MTRR: variants seen among roughly 807,000 people sequenced by gnomAD.
The protein encoded by MTRR is methionine synthase reductase.
A neutral mutation model predicts 79.2 loss-of-function variants in MTRR; 63 were observed. That is an observed-to-expected ratio of 0.80 (90% CI 0.65 to 0.98). MTRR has a LOEUF of 0.98. Among genes scored for constraint, MTRR ranks in the 50% least tolerant of loss-of-function variants. The pLI is 0.00. For synonymous variants in MTRR, 355 were observed against 313.3 expected (o/e 1.13, Z -1.41); for missense variants, 895 against 839.6 (o/e 1.07, Z -0.82).
At chr5:7,887,586 TCTTC>T (rs1002821199) in intron 8 of MTRR, among the ~76,000 whole-genome samples, 59 of 143,654 alleles carry the variant, frequency 4.1e-4, no homozygotes, top group African/African-American at 1.4e-3. Context: ...ATATATTCCA[TCTTC>T]CTTTCCTGGT....
intron 5 of MTRR, among the ~76,000 whole-genome samples, chr5:7,881,712 T>G (rs1266151911): frequency 2.0e-5 from 3 of 152,186 alleles, no homozygotes; most frequent in Non-Finnish European, 2.9e-5. Flanking sequence ...TATTTTAGTT[T>G]TACTTAGTTC....
Position 7,897,254 on chromosome 5 carries a change from C to A in MTRR, c.1952+7C>A. Reference sequence around the variant, plus strand: ...GCCATATTTATGTGTGTGGGTGAGTCATTATCGTGCCTAAGTCGGGTAGGA... The same window carrying A: ...GCCATATTTATGTGTGTGGGTGAGTAATTATCGTGCCTAAGTCGGGTAGGA... On this transcript the variant is annotated splice_region_variant and intron_variant, in intron 14 of 14. Coordinates refer to ENST00000440940, the MANE Select transcript of MTRR (RefSeq NM_002454.3). 1.2e-6 allele frequency: 2 copies of A among 1,612,854 alleles called. No homozygotes were observed. Among genetic ancestry groups the A allele is most frequent in the South Asian group, 2.2e-5 (2 of 90,994 alleles).
intron 8 of MTRR, among the ~76,000 whole-genome samples, chr5:7,887,825 T>C (rs1271240628): frequency 3.6e-5 from 1 of 28,132 alleles, no homozygotes; most frequent in Non-Finnish European, 6.1e-5. Flanking sequence ...TATATATATA[T>C]ATATATGGGT....
upstream of MTRR, chr5:7,867,864 G>A: frequency 6.2e-7 from 1 of 1,614,186 alleles, no homozygotes; most frequent in Non-Finnish European, 8.5e-7. Flanking sequence ...CCGAGTGGAT[G>A]AAGGTCATTT....
chr5:7,889,387 G>A, intron 9 of MTRR, 112 bp downstream of exon 9: 1 of 1,121,356 alleles, frequency 8.9e-7, no homozygotes, highest in Non-Finnish European at 1.3e-6. Flanking sequence ...TGTATCCTAT[G>A]CCTAAAGAAT....
rs747894104 is a variant in MTRR at position 7,873,491 on chromosome 5, T to A, written c.248T>A (p.Val83Asp). Residue 83 changes from valine (V) to aspartate (D), a missense_variant, in exon 3 of 15, where the codon GTT (valine) becomes GAT (aspartate). Coordinates refer to ENST00000440940, the MANE Select transcript of MTRR (RefSeq NM_002454.3). ...GAAATACAGAACCAAACACTGCCGGTTGATTTCTTTGCTCACCTGCGGTAT... is the reference window on the plus strand; with the variant it reads ...GAAATACAGAACCAAACACTGCCGGATGATTTCTTTGCTCACCTGCGGTAT... ...VKEIQNQTLP[V>D]DFFAHLRYGL... is the part of the protein sequence containing the mutation. 2 of 1,614,154 alleles carry A rather than the reference T, an allele frequency of 1.2e-6. No individual in the cohort carries two copies. The highest frequency in any genetic ancestry group is 2.2e-5 in the South Asian group (2 of 91,078).
Position 7,886,674 on chromosome 5 carries a change from T to A in MTRR, c.1117T>A (p.Cys373Ser), listed in dbSNP as rs751034628. The change falls in exon 8 of 15, where the codon TGT becomes AGT. Residue 373 changes from cysteine (C) to serine (S), a missense_variant. Coordinates refer to ENST00000440940, the MANE Select transcript of MTRR (RefSeq NM_002454.3). ...TTCTCTCCAGTTCATTTTTACCTGG[T>A]GTCTTGAAATCCGAGCAATTCCTAA... is the stretch of plus-strand genomic sequence containing the variant. ...GCSLQFIFTW[C>S]LEIRAIPKKA... 1 of 1,613,780 alleles carries A rather than the reference T, an allele frequency of 6.2e-7. No individual in the cohort carries two copies. The highest frequency in any genetic ancestry group is 1.3e-5 in the African/African-American group (1 of 74,920).
chr5:7,895,746 C>T lies in MTRR; in HGVS notation c.1570C>T (p.Pro524Ser), dbSNP rs1409884223. The change falls in exon 12 of 15, where the codon CCT (proline) becomes TCT (serine). Residue 524 changes from proline to serine, a missense_variant. By Grantham distance (74) the Pro-to-Ser change is moderately conservative (BLOSUM62 -1). Coordinates refer to ENST00000440940, the MANE Select transcript of MTRR (RefSeq NM_002454.3). ...KALAPKISIS[P>S]RTTNSFHLPD... ...TGTAATATTTCAGATATCCATCTCT[C>T]CTCGAACAACAAATTCTTTCCACTT... The T allele has an allele frequency of 6.2e-7, 1 of 1,614,048 alleles. No individual in the cohort carries two copies. Among genetic ancestry groups the T allele is most frequent in the Middle Eastern group, 1.6e-4 (1 of 6,062 alleles).
intron 5 of MTRR, among the ~76,000 whole-genome samples, 190 bp from the exon 6 acceptor site, chr5:7,882,965 G>A (rs1244343591): frequency 3.3e-5 from 5 of 152,080 alleles, no homozygotes; most frequent in Non-Finnish European, 5.9e-5. Flanking sequence ...TAGATAAAGC[G>A]TTTGAGATAG....
rs148112872 is a variant in MTRR at position 7,894,858 on chromosome 5, A to G, written c.1558-876A>G. 8.7e-4 allele frequency among the ~76,000 whole-genome samples: 133 copies of G among 152,366 alleles called. 3 individuals are homozygous for G. In the East Asian group the frequency reaches 0.025, roughly 29 times the overall value. Reference sequence around the variant, plus strand: ...CATTTCTGTATCCTTAATGCCTGTCATGGTGAATACTTTCAGTAAATCTGT... The same window carrying G: ...CATTTCTGTATCCTTAATGCCTGTCGTGGTGAATACTTTCAGTAAATCTGT... On this transcript the variant is annotated intron_variant, in intron 11 of 14. Transcript: ENST00000440940.
At chr5:7,867,692 G>A, upstream of MTRR, 1 of 1,614,196 alleles carries the variant, frequency 6.2e-7, no homozygotes, top group Non-Finnish European at 8.5e-7. Context: ...TAAAGCTCCT[G>A]CTGCCATAGT....
At chr5:7,870,991 A>G in intron 2 of MTRR, 68 bp downstream of exon 2, 6 of 1,586,906 alleles carry the variant, frequency 3.8e-6, no homozygotes, top group South Asian at 1.1e-5. Flanking sequence ...AGTGATATTT[A>G]TGAAACAAAA....
rs74590199 is a variant in MTRR at position 7,861,991 on chromosome 5, T to C, written n.432T>C. 1,142 of 183,386 alleles carry C rather than the reference T, an allele frequency of 6.2e-3. 22 individuals carry two copies. Among genetic ancestry groups the C allele is most frequent in the African/African-American group, 0.025 (1,087 of 42,782 alleles). The allele number at this position is 183,386 out of a possible 1,614,324, so 11.4% of individuals were successfully genotyped here. On this transcript the variant is annotated non_coding_transcript_exon_variant, in exon 2 of 4. Coordinates refer to the MTRR transcript ENST00000502509. ...CAATCCAGACTGTGAAGAAAACCCT[T>C]GAGTTAAGACATTAGACATCTGTGC...
rs768387137 is a variant in MTRR, at chr5:7,900,034, C to G, written c.2073C>G (p.Arg691=). ...KTLATLKEEK[R]YLQDIWS Reference sequence around the variant, plus strand: ...TGGCCACTTTAAAAGAAGAAAAACGCTACCTTCAGGATATTTGGTCATAAA... The same window carrying G: ...TGGCCACTTTAAAAGAAGAAAAACGGTACCTTCAGGATATTTGGTCATAAA... The change falls in exon 15 of 15, where the codon CGC becomes CGG. Residue 691 remains arginine (R), a synonymous_variant. Coordinates refer to ENST00000440940, the MANE Select transcript of MTRR (RefSeq NM_002454.3). 1 of 1,613,760 alleles carries G rather than the reference C, an allele frequency of 6.2e-7. No homozygotes were observed. Among genetic ancestry groups the G allele is most frequent in the Non-Finnish European group, 8.5e-7 (1 of 1,179,934 alleles).
At chr5:7,883,400 C>G (rs545693502) in intron 6 of MTRR, 123 bp downstream of exon 6, 18,880 of 1,261,152 alleles carry the variant, frequency 0.015, 619 homozygotes, top group East Asian at 0.12. Flanking sequence ...GAGTTGTGTG[C>G]GGCTTGGTTA....
intron 5 of MTRR, among the ~76,000 whole-genome samples, chr5:7,880,206 G>A (rs999623372): frequency 6.6e-6 from 1 of 152,252 alleles, no homozygotes; most frequent in East Asian, 1.9e-4. Flanking sequence ...CTGATAGCAC[G>A]ATGCCCCTGA....
intron 2 of MTRR, among the ~76,000 whole-genome samples, chr5:7,863,586 C>T (rs1311518765): frequency 6.6e-6 from 1 of 152,054 alleles, no homozygotes; most frequent in Admixed American, 6.5e-5. Flanking sequence ...CACTTCTGGT[C>T]CTGAGCATTT....
At chr5:7,899,218 A>C (rs1739065964) in intron 14 of MTRR, among the ~76,000 whole-genome samples, 2 of 152,144 alleles carry the variant, frequency 1.3e-5, no homozygotes, top group South Asian at 4.2e-4. Flanking sequence ...ACTGGGAACC[A>C]CATTTTAACA....
intron 13 of MTRR, 21 bp from the exon 14 acceptor site, chr5:7,897,044 C>T: frequency 1.1e-5 from 18 of 1,612,896 alleles, no homozygotes; most frequent in Non-Finnish European, 1.5e-5. Context: ...TTTTAGTGAT[C>T]CATTATATAT....
Sources: allele counts gnomAD v4.1 joint callset (sites outside exome capture counted in the v4.1 genomes callset), GRCh38; gene constraint gnomAD v4.1.1; transcripts MANE v1.5; gene names NCBI Gene and HGNC (gene_info 2026-07-23, HGNC 2026-07-21).